TSPAN6: variants seen among roughly 807,000 people sequenced by gnomAD.
The protein encoded by TSPAN6 is tetraspanin 6.
In TSPAN6, 13 loss-of-function variants were observed where a neutral mutation model predicts 18.0. The observed-to-expected ratio is 0.72, with a 90% CI of 0.47 to 1.15. TSPAN6 has a LOEUF of 1.15. Among genes scored for constraint, TSPAN6 ranks in the 50% most tolerant of loss-of-function variants. The probability of loss-of-function intolerance (pLI) is 0.00; values close to 1 mark genes in which losing one functional copy is unlikely to be tolerated. For synonymous variants in TSPAN6, 82 were observed against 67.0 expected, an observed-to-expected ratio of 1.22 and a Z score of -1.09; for missense variants, 186 against 183.9, an observed-to-expected ratio of 1.01 and a Z score of -0.07.
chrX:100,633,058 C>T (rs1006258601), intron 5 of TSPAN6, among the ~76,000 whole-genome samples: 1 of 112,565 alleles, frequency 8.9e-6, no homozygotes, highest in African/African-American at 3.2e-5. Flanking sequence ...GTGGCTCACG[C>T]CTGTAATCCC....
At position 100,636,686 on chromosome X, in the gene TSPAN6, G is replaced by T. The variant is rs1233777674; in HGVS notation, c.9C>A (p.Ser3=). MA[S]PSRRLQTKPV... is the part of the protein sequence containing the mutation. ...GTTTAGTCTGCAGTCTCCGAGACGG[G>T]GACGCCATGACTAGCCCGAGACCCT... The change falls in exon 1 of 8, where the codon TCC becomes TCA. Residue 3 remains serine, a synonymous_variant. Transcript: ENST00000373020. 8.3e-7 allele frequency: 1 copy of T among 1,203,459 alleles called. No homozygotes were observed. Among genetic ancestry groups the T allele is most frequent in the East Asian group, 3.0e-5 (1 of 33,448 alleles).
Position 100,627,802 on chromosome X carries a change from AT to A in TSPAN6, c.*2223del, listed in dbSNP as rs757546887. 1.8e-5 allele frequency: 2 copies of A among 110,457 alleles called. No individual in the cohort carries two copies. The highest frequency in any genetic ancestry group is 7.7e-4 in the South Asian group (2 of 2,582). The allele number at this position is 110,457 out of a possible 1,213,427, so 9.1% of individuals were successfully genotyped here. On this transcript the variant is annotated 3_prime_UTR_variant, in exon 8 of 8. Transcript: ENST00000373020. ...TTTCTATAATTTTTCCTTTTTAATAATGAGGGAAAACTTTTTTTTTTTTTCT... is the reference window on the plus strand; with the variant it reads ...TTTCTATAATTTTTCCTTTTTAATAAGAGGGAAAACTTTTTTTTTTTTTCT...
At chrX:100,631,973 C>T (rs938398233) in intron 6 of TSPAN6, 1 of 118,342 alleles carries the variant, frequency 8.5e-6, no homozygotes, top group African/African-American at 3.3e-5. Flanking sequence ...CCCATCAACC[C>T]ATCATCTACA....
chrX:100,631,445 T>C (rs753273209), intron 6 of TSPAN6, among the ~76,000 whole-genome samples: 1 of 112,267 alleles, frequency 8.9e-6, no homozygotes, highest in Non-Finnish European at 1.9e-5. Flanking sequence ...ACTTTAAAAA[T>C]ATATTAAGAC....
intron 2 of TSPAN6, 94 bp downstream of exon 2, chrX:100,635,462 TTG>T: frequency 1.2e-6 from 1 of 863,762 alleles, no homozygotes; most frequent in African/African-American, 2.0e-5. Context: ...ACAGGAAAAA[TTG>T]TAAAGGGCCA....
Position 100,636,806 on chromosome X carries a change from T to A in TSPAN6, c.-112A>T. The A allele has an allele frequency of 1.2e-6, 1 of 828,505 alleles. No homozygotes were observed. Among genetic ancestry groups the A allele is most frequent in the Non-Finnish European group, 1.6e-6 (1 of 610,058 alleles). 68.3% of individuals were successfully genotyped at this position (828,505 alleles called of 1,213,427 possible). ...CCGAAAACTTACGAGCGTCCACAAC[T>A]GAGAAGGGCCGGAAACACTGTACAA... On this transcript the variant is annotated 5_prime_UTR_variant, in exon 1 of 8. Coordinates refer to ENST00000373020, the MANE Select transcript of TSPAN6 (RefSeq NM_003270.4).
rs1462892623 is a variant in TSPAN6 at position 100,635,196 on chromosome X, T to C, written c.333A>G (p.Gly111=). The C allele has an allele frequency of 3.3e-6, 4 of 1,197,579 alleles. No individual in the cohort carries two copies. The highest frequency in any genetic ancestry group is 1.8e-5 in the South Asian group (1 of 54,571). The change falls in exon 3 of 8, where the codon GGA becomes GGG. Residue 111 remains glycine, a synonymous_variant. Transcript: ENST00000373020. The part of the protein sequence containing the change: ...FLVELVAAIV[G]FVFRHEIKNS... Reference sequence around the variant, plus strand: ...GGCTTACCTCATGTCTGAAAACAAATCCTACGATGGCAGCGACCAGTTCGA... The same window carrying C: ...GGCTTACCTCATGTCTGAAAACAAACCCTACGATGGCAGCGACCAGTTCGA...
At chrX:100,636,184 T>C (rs908679835) in intron 1 of TSPAN6, 6 of 789,547 alleles carry the variant, frequency 7.6e-6, no homozygotes, top group African/African-American at 2.2e-5. Context: ...AGGCATACCA[T>C]ACTTACCTGC....
intron 3 of TSPAN6, among the ~76,000 whole-genome samples, chrX:100,634,843 T>C (rs112571920): frequency 0.01 from 1,128 of 112,044 alleles, 11 homozygotes; most frequent in African/African-American, 0.035. Flanking sequence ...ATCCAATCTT[T>C]TCAAAATGCA....
chrX:100,634,732 C>A (rs917461603), intron 3 of TSPAN6, among the ~76,000 whole-genome samples: 5 of 111,423 alleles, frequency 4.5e-5, no homozygotes, highest in African/African-American at 1.3e-4. Flanking sequence ...ATCCCCTGAC[C>A]TCGTGATCCA....
intron 2 of TSPAN6, 48 bp downstream of exon 2, chrX:100,635,510 A>T: frequency 9.2e-7 from 1 of 1,085,116 alleles, no homozygotes; most frequent in Non-Finnish European, 1.2e-6. Context: ...ATAACATACA[A>T]AACTTTTCTA....
chrX:100,629,312 C>T lies in TSPAN6; in HGVS notation c.*714G>A, dbSNP rs1015134848. The T allele has an allele frequency of 8.9e-6, 1 of 111,880 alleles. No homozygotes were observed. The highest frequency in any genetic ancestry group is 1.9e-5 in the Non-Finnish European group (1 of 53,182). 9.2% of individuals were successfully genotyped at this position (111,880 alleles called of 1,213,427 possible). ...AGTTGTGTGCTGAAACCTGATGTATCACAGAACATCAGTAGTCCCTTCCAG... is the reference window on the plus strand; with the variant it reads ...AGTTGTGTGCTGAAACCTGATGTATTACAGAACATCAGTAGTCCCTTCCAG... On this transcript the variant is annotated 3_prime_UTR_variant, in exon 8 of 8. Coordinates refer to ENST00000373020, the MANE Select transcript of TSPAN6 (RefSeq NM_003270.4).
At chrX:100,630,924 G>C in intron 6 of TSPAN6, 58 bp from the exon 7 acceptor site, 1 of 873,917 alleles carries the variant, frequency 1.1e-6, no homozygotes. Context: ...GAACACCTCA[G>C]ACTATATTCT....
At chrX:100,633,263 G>A in intron 5 of TSPAN6, 142 bp downstream of exon 5, 2 of 497,559 alleles carry the variant, frequency 4.0e-6, no homozygotes, top group Non-Finnish European at 6.5e-6. Context: ...AGCTTGCAGT[G>A]AGCCGAGAAC....
At position 100,629,872 on chromosome X, in the gene TSPAN6, A is replaced by G. The variant is rs1462805202; in HGVS notation, c.*154T>C. 2 of 405,953 alleles carry G rather than the reference A, an allele frequency of 4.9e-6. No individual in the cohort carries two copies. Among genetic ancestry groups the G allele is most frequent in the African/African-American group, 5.5e-5 (2 of 36,677 alleles). 33.5% of individuals were successfully genotyped at this position (405,953 alleles called of 1,213,427 possible). A position where few individuals can be genotyped will look rare whatever the true frequency, so the allele number is the denominator to read the frequency against. On this transcript the variant is annotated 3_prime_UTR_variant, in exon 8 of 8. Coordinates refer to ENST00000373020, the MANE Select transcript of TSPAN6 (RefSeq NM_003270.4). ...AGCCTATTGGTGTAGTTTTAGGTCT[A>G]CATACATCTTGATTGAATCAACCTA...
chrX:100,636,637 C>G lies in TSPAN6; in HGVS notation c.58G>C (p.Val20Leu). 2 of 1,206,901 alleles carry G rather than the reference C, an allele frequency of 1.7e-6. No individual in the cohort carries two copies. Among genetic ancestry groups the G allele is most frequent in the African/African-American group, 3.5e-5 (2 of 57,498 alleles). The change falls in exon 1 of 8, where the codon GTT (valine) becomes CTT (leucine). Residue 20 changes from valine (V) to leucine (L), a missense_variant. By Grantham distance (32) the Val-to-Leu change is conservative (BLOSUM62 1). Coordinates refer to ENST00000373020, the MANE Select transcript of TSPAN6 (RefSeq NM_003270.4). ...TKPVITCFKS[V>L]LLIYTFIFWI... ...AAAATAAAAGTGTAGATTAGCAGAA[C>G]GCTCTTGAAACAAGTAATGACTGGT...
chrX:100,632,546 G>T lies in TSPAN6; in HGVS notation c.608C>A (p.Thr203Asn). 8.3e-7 allele frequency: 1 copy of T among 1,205,386 alleles called. No homozygotes were observed. Among genetic ancestry groups the T allele is most frequent in the Non-Finnish European group, 1.1e-6 (1 of 890,975 alleles). Residue 203 changes from threonine to asparagine, a missense_variant, in exon 6 of 8, where the codon ACC (threonine) becomes AAC (asparagine). Thr to Asn is a moderately conservative substitution (Grantham distance 65). Transcript: ENST00000373020. ...NNEGCFIKVM[T>N]IIESEMGVVA... The stretch of plus-strand genomic sequence containing the variant: ...GACTCCCATTTCTGACTCTATAATG[G>T]TCATCACCTTTATAAAACAACCCTA...
Position 100,635,729 on chromosome X carries a change from A to G in TSPAN6, c.105T>C (p.Leu35=). The change falls in exon 2 of 8, where the codon CTT becomes CTC. Residue 35 remains leucine (L), a synonymous_variant. Coordinates refer to ENST00000373020, the MANE Select transcript of TSPAN6 (RefSeq NM_003270.4). The stretch of plus-strand genomic sequence containing the variant: ...CCTTGCCCCAAATGCCAACTGCAAG[A>G]AGGATAACGCCAGTGATCTATGTGG... The part of the protein sequence containing the change: ...TFIFWITGVI[L]LAVGIWGKVS... The G allele has an allele frequency of 1.7e-6, 2 of 1,178,324 alleles. No homozygotes were observed. Among genetic ancestry groups the G allele is most frequent in the East Asian group, 3.1e-5 (1 of 32,465 alleles).
chrX:100,635,371 A>G, intron 2 of TSPAN6, 119 bp from the exon 3 acceptor site: 1 of 661,556 alleles, frequency 1.5e-6, no homozygotes, highest in Non-Finnish European at 2.3e-6. Context: ...TTCATTGAAA[A>G]GGGCAGGGAA....
Sources: allele counts gnomAD v4.1 joint callset (sites outside exome capture counted in the v4.1 genomes callset), GRCh38; gene constraint gnomAD v4.1.1; transcripts MANE v1.5; gene names NCBI Gene and HGNC (gene_info 2026-07-23, HGNC 2026-07-21).